The following SNX29 variants were observed in gnomAD, a reference collection of about 807,000 sequenced individuals.
The protein encoded by SNX29 is sorting nexin 29.
A neutral mutation model predicts 102.1 loss-of-function variants in SNX29; 78 were observed. The ratio of observed to expected loss-of-function variants is 0.76; its 90% CI spans 0.64 to 0.92. SNX29 has a LOEUF of 0.92. Among genes scored for constraint, SNX29 ranks in the 40% least tolerant of loss-of-function variants. The pLI is 0.00. For missense variants in SNX29, 1,280 were observed against 1,061.7 expected (o/e 1.21, Z -2.86); for synonymous variants, 580 against 414.5 (o/e 1.40, Z -4.85).
At chr16:11,983,361 A>C (rs2055471272) in intron 1 of SNX29, among the ~76,000 whole-genome samples, 1 of 150,350 alleles carries the variant, frequency 6.7e-6, no homozygotes, top group African/African-American at 2.5e-5. Context: ...GTTGTGAGCC[A>C]CTGTGCCCAG....
At chr16:12,212,294 G>A (rs1449468243) in intron 14 of SNX29, among the ~76,000 whole-genome samples, 1 of 152,198 alleles carries the variant, frequency 6.6e-6, no homozygotes, top group Non-Finnish European at 1.5e-5. Flanking sequence ...GGAGGGACTC[G>A]GAAGTGGACA....
chr16:12,307,423 A>G (rs1481857371), intron 15 of SNX29, among the ~76,000 whole-genome samples: 1 of 152,230 alleles, frequency 6.6e-6, no homozygotes, highest in Non-Finnish European at 1.5e-5. Context: ...TGTCACTAAC[A>G]TCATGAGGAC....
intron 15 of SNX29, among the ~76,000 whole-genome samples, chr16:12,289,921 G>T (rs2079735054): frequency 6.6e-6 from 1 of 152,132 alleles, no homozygotes; most frequent in African/African-American, 2.4e-5. Context: ...AAGGGGCAGG[G>T]CTGTCCTGAA....
At chr16:12,161,535 C>T (rs953581367) in intron 13 of SNX29, among the ~76,000 whole-genome samples, 1 of 152,164 alleles carries the variant, frequency 6.6e-6, no homozygotes, top group Non-Finnish European at 1.5e-5. Flanking sequence ...CCTGAAGGAG[C>T]GTAGGGTGGG....
chr16:12,520,628 C>T (rs773371747), intron 19 of SNX29, among the ~76,000 whole-genome samples: 7 of 152,122 alleles, frequency 4.6e-5, no homozygotes, highest in Middle Eastern at 3.2e-3. Flanking sequence ...AAAAAAGGAA[C>T]GAAATCATGT....
At chr16:11,999,574 C>A (rs1272006336) in intron 2 of SNX29, among the ~76,000 whole-genome samples, 1 of 152,168 alleles carries the variant, frequency 6.6e-6, no homozygotes, top group African/African-American at 2.4e-5. Flanking sequence ...CCAAAGCCCT[C>A]TAGAGGACCC....
At chr16:12,425,892 C>T (rs1465295252) in intron 18 of SNX29, among the ~76,000 whole-genome samples, 1 of 152,132 alleles carries the variant, frequency 6.6e-6, no homozygotes, top group East Asian at 1.9e-4. Context: ...GCTGTACCCA[C>T]AAAACTTGGT....
chr16:12,426,664 T>A (rs1208801671), intron 18 of SNX29, among the ~76,000 whole-genome samples: 3 of 152,250 alleles, frequency 2.0e-5, no homozygotes, highest in South Asian at 2.1e-4. Flanking sequence ...TCTCAATTTT[T>A]AAAAATTATT....
chr16:12,462,415 CACTTA>C lies in SNX29; in HGVS notation c.2038-15299_2038-15295del, dbSNP rs2086847363. On this transcript the variant is annotated intron_variant, in intron 18 of 20. Transcript: ENST00000566228. ...TCTTCACAGTGCCAACCAGGAGTCC[CACTTA>C]ACTTGAAAAATAGCATTTAATTTTT... 2.0e-5 allele frequency among the ~76,000 whole-genome samples: 3 copies of C among 152,170 alleles called. No individual in the cohort carries two copies. The South Asian group carries it at 6.2e-4, about 32-fold the overall frequency.
intron 3 of SNX29, among the ~76,000 whole-genome samples, chr16:12,018,237 A>G (rs1046428084): frequency 2.0e-5 from 3 of 151,944 alleles, no homozygotes; most frequent in Non-Finnish European, 4.4e-5. Context: ...CGTTTAACAA[A>G]ATTTTATGTT....
rs143176317 is a variant in SNX29, at chr16:11,978,903, C to T, written c.7+2090C>T. ...TCAAGCCACTGCACTCCAGCCTGGG[C>T]GACAGAACAAGACTTCGTCTCAAAA... On this transcript the variant is annotated intron_variant, in intron 1 of 20. Transcript: ENST00000566228. 2.5e-3 allele frequency among the ~76,000 whole-genome samples: 374 copies of T among 151,616 alleles called. 2 individuals are homozygous for T. Among genetic ancestry groups the T allele is most frequent in the African/African-American group, 8.6e-3 (356 of 41,336 alleles).
chr16:12,551,096 G>A (rs546555323), intron 20 of SNX29, among the ~76,000 whole-genome samples: 2 of 152,192 alleles, frequency 1.3e-5, no homozygotes, highest in South Asian at 2.1e-4. Flanking sequence ...CTCTTTGCTT[G>A]GATGAAATCT....
chr16:12,386,761 A>T (rs1474846784), intron 16 of SNX29, among the ~76,000 whole-genome samples: 1 of 152,250 alleles, frequency 6.6e-6, no homozygotes, highest in African/African-American at 2.4e-5. Flanking sequence ...ATAAGAAAAG[A>T]GTTGAAGGGT....
intron 4 of SNX29, among the ~76,000 whole-genome samples, chr16:12,037,049 G>A (rs2057495891): frequency 6.6e-6 from 1 of 152,096 alleles, no homozygotes; most frequent in South Asian, 2.1e-4. Context: ...GCTACATTAT[G>A]GGGTGGAAAA....
intron 13 of SNX29, among the ~76,000 whole-genome samples, chr16:12,173,290 T>A (rs1255456613): frequency 6.6e-6 from 1 of 152,146 alleles, no homozygotes; most frequent in Non-Finnish European, 1.5e-5. Flanking sequence ...TGGAGCAATG[T>A]TATATTCCCT....
intron 14 of SNX29, among the ~76,000 whole-genome samples, chr16:12,247,235 G>A (rs1287057217): frequency 6.6e-6 from 1 of 152,168 alleles, no homozygotes; most frequent in Non-Finnish European, 1.5e-5. Flanking sequence ...ATGGAGGCTG[G>A]CTCTTCAGGT....
At chr16:11,995,577 G>C (rs529246596) in intron 1 of SNX29, among the ~76,000 whole-genome samples, 1 of 151,004 alleles carries the variant, frequency 6.6e-6, no homozygotes, top group African/African-American at 2.4e-5. Flanking sequence ...ATGAAAAGAG[G>C]CTTTGCAGAG....
intron 20 of SNX29, chr16:12,526,576 G>A: frequency 1.9e-6 from 1 of 529,686 alleles, no homozygotes; most frequent in Non-Finnish European, 3.7e-6. Context: ...TTTGGAAATG[G>A]CCGCGATAGT....
At chr16:12,013,414 G>C (rs544875114) in intron 3 of SNX29, among the ~76,000 whole-genome samples, 93 of 141,996 alleles carry the variant, frequency 6.5e-4, no homozygotes, top group Middle Eastern at 7.0e-3. Flanking sequence ...GAGGCTGAGT[G>C]GGGGACAGAT....
Sources: gnomAD v4.1 joint callset for allele counts (sites outside exome capture counted in the v4.1 genomes callset) on GRCh38, gnomAD v4.1.1 for gene constraint, MANE v1.5 for transcripts, NCBI Gene and HGNC (gene_info 2026-07-23, HGNC 2026-07-21) for gene names.